PDLIM5: variants seen among roughly 807,000 people sequenced by gnomAD.
The protein encoded by PDLIM5 is PDZ and LIM domain 5, also known as PDZ and LIM domain protein 5.
A neutral mutation model predicts 64.2 loss-of-function variants in PDLIM5; 34 were observed. The ratio of observed to expected loss-of-function variants is 0.53; its 90% CI spans 0.40 to 0.71. The LOEUF is 0.71. Among genes scored for constraint, PDLIM5 ranks in the 30% least tolerant of loss-of-function variants. The pLI, the probability that PDLIM5 is intolerant of heterozygous loss-of-function variation, is 0.00. For missense variants in PDLIM5, 683 were observed against 733.6 expected, an observed-to-expected ratio of 0.93 and a Z score of 0.80; for synonymous variants, 253 against 269.1, an observed-to-expected ratio of 0.94 and a Z score of 0.59.
At chr4:94,557,897 T>C (rs1733490702) in intron 3 of PDLIM5, among the ~76,000 whole-genome samples, 2 of 152,224 alleles carry the variant, frequency 1.3e-5, no homozygotes, top group African/African-American at 2.4e-5. Context: ...ATACCCTTTA[T>C]TTCTTTCTCC....
At chr4:94,497,076 A>G (rs1263993622) in intron 2 of PDLIM5, among the ~76,000 whole-genome samples, 2 of 152,214 alleles carry the variant, frequency 1.3e-5, no homozygotes, top group Non-Finnish European at 2.9e-5. Flanking sequence ...AAATGGGTGA[A>G]TTGTGATCTA....
At chr4:94,554,462 A>G (rs1733083518) in intron 3 of PDLIM5, among the ~76,000 whole-genome samples, 1 of 152,170 alleles carries the variant, frequency 6.6e-6, no homozygotes, top group Non-Finnish European at 1.5e-5. Flanking sequence ...ATATGTATAT[A>G]CATTCGTACG....
At chr4:94,478,623 A>G (rs1725545537) in intron 2 of PDLIM5, among the ~76,000 whole-genome samples, 2 of 152,084 alleles carry the variant, frequency 1.3e-5, no homozygotes, top group African/African-American at 2.4e-5. Context: ...TTTTATGTCT[A>G]TTTATTTTAC....
chr4:94,581,725 G>T (rs1735746747), intron 5 of PDLIM5, among the ~76,000 whole-genome samples: 1 of 152,158 alleles, frequency 6.6e-6, no homozygotes, highest in African/African-American at 2.4e-5. Context: ...TTGCAGAATT[G>T]AATAATGCTA....
At chr4:94,621,112 C>G in intron 8 of PDLIM5, among the ~76,000 whole-genome samples, 1 of 137,078 alleles carries the variant, frequency 7.3e-6, no homozygotes. Flanking sequence ...AGAAGTATTT[C>G]TATTGTGTTG....
At chr4:94,621,501 C>T (rs758133365) in intron 8 of PDLIM5, among the ~76,000 whole-genome samples, 3 of 151,978 alleles carry the variant, frequency 2.0e-5, no homozygotes, top group Non-Finnish European at 2.9e-5. Context: ...TAAAAAGCAA[C>T]GAAAAGACTA....
chr4:94,655,089 A>G (rs1742109788), intron 10 of PDLIM5, among the ~76,000 whole-genome samples: 1 of 152,218 alleles, frequency 6.6e-6, no homozygotes, highest in Non-Finnish European at 1.5e-5. Flanking sequence ...ATTTCATGAA[A>G]TATATAAAAC....
At chr4:94,466,636 A>G (rs1300255736) in intron 2 of PDLIM5, among the ~76,000 whole-genome samples, 1 of 152,188 alleles carries the variant, frequency 6.6e-6, no homozygotes, top group Non-Finnish European at 1.5e-5. Flanking sequence ...GTTAAGGGTA[A>G]GTTACTTGGA....
chr4:94,575,579 G>A, intron 4 of PDLIM5, 37 bp from the exon 5 acceptor site: 1 of 1,347,864 alleles, frequency 7.4e-7, no homozygotes, highest in Non-Finnish European at 1.0e-6. Context: ...CATGTGTTTG[G>A]TGTGGTTTTG....
chr4:94,648,213 GTTGGT>G, intron 9 of PDLIM5, among the ~76,000 whole-genome samples: 1 of 151,964 alleles, frequency 6.6e-6, no homozygotes, highest in Non-Finnish European at 1.5e-5. Flanking sequence ...GAAACCACAA[GTTGGT>G]TCCTTGGAAA....
At chr4:94,475,656 T>A (rs1381615020) in intron 2 of PDLIM5, among the ~76,000 whole-genome samples, 1 of 152,310 alleles carries the variant, frequency 6.6e-6, no homozygotes, top group East Asian at 1.9e-4. Context: ...ATAGTTTCAG[T>A]TTTGCAAGAT....
At chr4:94,642,543 T>C (rs771467203) in intron 9 of PDLIM5, among the ~76,000 whole-genome samples, 20 of 152,214 alleles carry the variant, frequency 1.3e-4, no homozygotes, top group Non-Finnish European at 2.1e-4. Flanking sequence ...TGTTAAATTT[T>C]ATATTGTTCT....
intron 8 of PDLIM5, among the ~76,000 whole-genome samples, chr4:94,640,044 T>A (rs1171274044): frequency 6.6e-6 from 1 of 151,830 alleles, no homozygotes; most frequent in East Asian, 1.9e-4. Context: ...AAAAAAAAAT[T>A]CTATGCATAC....
At chr4:94,560,550 G>C (rs1404408946) in intron 3 of PDLIM5, among the ~76,000 whole-genome samples, 1 of 152,128 alleles carries the variant, frequency 6.6e-6, no homozygotes, top group African/African-American at 2.4e-5. Flanking sequence ...TGTTATTACT[G>C]TTCCCATCTT....
intron 2 of PDLIM5, among the ~76,000 whole-genome samples, chr4:94,492,040 C>A (rs1726924783): frequency 6.6e-6 from 1 of 151,742 alleles, no homozygotes; most frequent in African/African-American, 2.4e-5. Flanking sequence ...CAGTAACTCC[C>A]TATTCCCTCC....
rs550633323 is a variant in PDLIM5, at chr4:94,602,625, A to G, written c.921-15379A>G. Among the ~76,000 whole-genome samples, 41 of 151,882 alleles carry G rather than the reference A, an allele frequency of 2.7e-4. 1 individual carries two copies. Among genetic ancestry groups the G allele is most frequent in the Non-Finnish European group, 5.4e-4 (37 of 67,986 alleles). ...CCACCACCACACCCAGCTAATTTTT[A>G]TATTTTTTTTAGTAGAGACGGAGTT... On this transcript the variant is annotated intron_variant, in intron 7 of 12. Coordinates refer to ENST00000317968, the MANE Select transcript of PDLIM5 (RefSeq NM_006457.5).
chr4:94,602,727 A>T lies in PDLIM5; in HGVS notation c.921-15277A>T, dbSNP rs11937333. Among the ~76,000 whole-genome samples the T allele has an allele frequency of 8.9e-3, 1,360 of 152,134 alleles. 24 individuals carry two copies. The highest frequency in any genetic ancestry group is 0.03 in the African/African-American group (1,257 of 41,496). On this transcript the variant is annotated intron_variant, in intron 7 of 12. Transcript: ENST00000317968. ...TGCCTTGGCCTCCCAAAGTGCTGGG[A>T]TTGCAGGTGTGAGCCACCACACCAG... is the stretch of plus-strand genomic sequence containing the variant.
chr4:94,653,125 A>C (rs1162851076), intron 9 of PDLIM5, among the ~76,000 whole-genome samples: 4 of 152,124 alleles, frequency 2.6e-5, no homozygotes, highest in Non-Finnish European at 4.4e-5. Context: ...GTGGTCGCTT[A>C]GGGATGATAA....
intron 5 of PDLIM5, chr4:94,582,696 T>G (rs752916236): frequency 5.8e-6 from 9 of 1,555,690 alleles, no homozygotes; most frequent in Non-Finnish European, 8.0e-6. Context: ...TCTTTTTTTG[T>G]GTGTGTTATT....
Sources: allele counts gnomAD v4.1 joint callset (sites outside exome capture counted in the v4.1 genomes callset), GRCh38; gene constraint gnomAD v4.1.1; transcripts MANE v1.5; gene names NCBI Gene and HGNC (gene_info 2026-07-23, HGNC 2026-07-21).